SLAIN1: variants seen among roughly 807,000 people sequenced by gnomAD.
SLAIN1 encodes the protein SLAIN family member 1.
A neutral mutation model predicts 55.4 loss-of-function variants in SLAIN1; 17 were observed. The observed-to-expected ratio is 0.31, with a 90% CI of 0.21 to 0.46. The LOEUF (loss-of-function observed/expected upper bound fraction) is 0.46. SLAIN1 is among the 20% of genes least tolerant of loss of function. The pLI, the probability that SLAIN1 is intolerant of heterozygous loss-of-function variation, is 1.00. For missense variants in SLAIN1, 682 were observed against 785.1 expected, an observed-to-expected ratio of 0.87 and a Z score of 1.57; for synonymous variants, 348 against 337.4, an observed-to-expected ratio of 1.03 and a Z score of -0.35.
intron 1 of SLAIN1, chr13:77,699,233 A>G (rs2091006678): frequency 4.9e-6 from 2 of 410,512 alleles, no homozygotes; most frequent in African/African-American, 4.1e-5. Flanking sequence ...GGTGGGAGGG[A>G]CTTTTTTATT....
intron 1 of SLAIN1, among the ~76,000 whole-genome samples, chr13:77,715,583 A>G (rs1036404479): frequency 1.3e-5 from 2 of 152,102 alleles, no homozygotes; most frequent in Admixed American, 1.3e-4. Flanking sequence ...GTGGCACCAA[A>G]TCTTTCTTAA....
chr13:77,733,903 G>C (rs1300434995), intron 2 of SLAIN1, among the ~76,000 whole-genome samples: 1 of 152,114 alleles, frequency 6.6e-6, no homozygotes, highest in Non-Finnish European at 1.5e-5. Flanking sequence ...GCTCCAGAAG[G>C]GTTGCTCAGG....
chr13:77,758,760 T>C (rs1002746195), intron 5 of SLAIN1, among the ~76,000 whole-genome samples: 1 of 152,150 alleles, frequency 6.6e-6, no homozygotes, highest in African/African-American at 2.4e-5. Flanking sequence ...ATTTCTGGGT[T>C]CTCTATTCTG....
intron 1 of SLAIN1, among the ~76,000 whole-genome samples, chr13:77,708,284 A>G (rs117534199): frequency 0.013 from 2,045 of 152,334 alleles, 43 homozygotes; most frequent in East Asian, 0.019. Flanking sequence ...TATCAAAAAA[A>G]GTGAATGGGA....
intron 1 of SLAIN1, among the ~76,000 whole-genome samples, chr13:77,703,663 A>C (rs1157817459): frequency 6.6e-6 from 1 of 151,990 alleles, no homozygotes; most frequent in East Asian, 1.9e-4. Flanking sequence ...TATCCTTTTA[A>C]GAGCCTGTTG....
intron 2 of SLAIN1, among the ~76,000 whole-genome samples, chr13:77,734,301 C>G (rs919284428): frequency 3.3e-5 from 5 of 152,054 alleles, no homozygotes; most frequent in Non-Finnish European, 5.9e-5. Flanking sequence ...CTTCACTGAT[C>G]TTAGGCCATT....
In SLAIN1 at chr13:77,698,081, C is replaced by A; in HGVS notation, c.168C>A (p.Ala56=). Residue 56 remains alanine (A), a synonymous_variant, in exon 1 of 7, where the codon GCC becomes GCA. Coordinates refer to ENST00000418532, the MANE Select transcript of SLAIN1 (RefSeq NM_001242868.2). The surrounding 1 kb of genome is among the most constrained non-coding windows in gnomAD (Gnocchi z 4.1). ...LRSRAASAAA[A]PHLLLLPPPP... ...GTCGAGCGGCCAGCGCGGCCGCCGC[C>A]CCGCACCTGCTGCTGCTGCCGCCGC... The A allele has an allele frequency of 7.9e-7, 1 of 1,260,582 alleles. No individual in the cohort carries two copies. Among genetic ancestry groups the A allele is most frequent in the Non-Finnish European group, 1.0e-6 (1 of 989,684 alleles). The allele number at this position is 1,260,582 out of a possible 1,614,324, so 78.1% of individuals were successfully genotyped here. A position where few individuals can be genotyped will look rare whatever the true frequency, so the allele number is the denominator to read the frequency against.
chr13:77,719,805 C>T (rs2091244232), intron 2 of SLAIN1, 134 bp downstream of exon 2: 12 of 902,760 alleles, frequency 1.3e-5, no homozygotes, highest in Non-Finnish European at 2.0e-5. Flanking sequence ...CAATTTGCTT[C>T]ACATGTATTA....
In SLAIN1 at chr13:77,719,556, G is replaced by C. The variant is rs745569718; in HGVS notation, c.651G>C (p.Thr217=). Residue 217 remains threonine, a synonymous_variant, in exon 2 of 7, where the codon ACG becomes ACC. Coordinates refer to ENST00000418532, the MANE Select transcript of SLAIN1 (RefSeq NM_001242868.2). ...GGTTATACATTGGCTCTTCAAAGAC[G>C]TTCACCTCATCAGAGAAATCCCTGA... The part of the protein sequence containing the change: ...YTWLYIGSSK[T]FTSSEKSLTP... 6.2e-7 allele frequency: 1 copy of C among 1,612,708 alleles called. No homozygotes were observed. Among genetic ancestry groups the C allele is most frequent in the African/African-American group, 1.3e-5 (1 of 74,822 alleles).
At chr13:77,753,844 C>A (rs1874409840) in intron 5 of SLAIN1, among the ~76,000 whole-genome samples, 1 of 152,078 alleles carries the variant, frequency 6.6e-6, no homozygotes, top group African/African-American at 2.4e-5. Flanking sequence ...TTGTCTTTTT[C>A]CCCCTAAATG....
rs1240169181 is a variant in SLAIN1 at position 77,712,118 on chromosome 13, A to G, written c.627-7414A>G. On this transcript the variant is annotated intron_variant, in intron 1 of 6. Transcript: ENST00000418532. ...CAAACCCACAGCCAGTATCATACTGAATTGGCAAAAGCTGGAAGCATTCCT... is the reference window on the plus strand; with the variant it reads ...CAAACCCACAGCCAGTATCATACTGGATTGGCAAAAGCTGGAAGCATTCCT... Among the ~76,000 whole-genome samples the G allele has an allele frequency of 2.6e-5, 4 of 152,348 alleles. No homozygotes were observed. The East Asian group carries it at 7.7e-4, about 29-fold the overall frequency.
chr13:77,739,764 C>T (rs766205776), intron 2 of SLAIN1, among the ~76,000 whole-genome samples: 12 of 152,008 alleles, frequency 7.9e-5, no homozygotes, highest in Non-Finnish European at 1.3e-4. Flanking sequence ...CCCATTCTGT[C>T]GTCTGCCTTT....
intron 2 of SLAIN1, chr13:77,741,346 T>G (rs1873423611): frequency 1.0e-6 from 1 of 987,316 alleles, no homozygotes; most frequent in Non-Finnish European, 1.2e-6. Flanking sequence ...TAGTTTGTAG[T>G]GTATTCTGGA....
rs1320866987 is a variant in SLAIN1 at position 77,720,948 on chromosome 13, T to C, written c.766+1277T>C. Reference sequence around the variant, plus strand: ...CAAAGGCATGTTAGGGTTAAAACTTTGGTGATAGATGCTCATCTAACAGAG... The same window carrying C: ...CAAAGGCATGTTAGGGTTAAAACTTCGGTGATAGATGCTCATCTAACAGAG... On this transcript the variant is annotated intron_variant, in intron 2 of 6. Coordinates refer to ENST00000418532, the MANE Select transcript of SLAIN1 (RefSeq NM_001242868.2). Among the ~76,000 whole-genome samples, 3 of 152,300 alleles carry C rather than the reference T, an allele frequency of 2.0e-5. No homozygotes were observed. In the East Asian group the frequency reaches 5.8e-4, roughly 29 times the overall value.
chr13:77,697,741 C>A lies in SLAIN1; in HGVS notation c.-173C>A. On this transcript the variant is annotated 5_prime_UTR_variant, in exon 1 of 7. Coordinates refer to ENST00000418532, the MANE Select transcript of SLAIN1 (RefSeq NM_001242868.2). ...CAGATCAGCTCGGTGGTGGCTGCCGCGGCCGGAGGCGAGGGCCCGGTGCTG... is the reference window on the plus strand; with the variant it reads ...CAGATCAGCTCGGTGGTGGCTGCCGAGGCCGGAGGCGAGGGCCCGGTGCTG... 2.2e-6 allele frequency: 1 copy of A among 455,292 alleles called. No individual in the cohort carries two copies. Among genetic ancestry groups the A allele is most frequent in the Non-Finnish European group, 3.2e-6 (1 of 310,554 alleles). 28.2% of individuals were successfully genotyped at this position (455,292 alleles called of 1,614,324 possible). A position where few individuals can be genotyped will look rare whatever the true frequency, so the allele number is the denominator to read the frequency against.
intron 1 of SLAIN1, among the ~76,000 whole-genome samples, chr13:77,705,670 CCTAT>C (rs1210592438): frequency 2.0e-5 from 3 of 149,922 alleles, no homozygotes; most frequent in South Asian, 2.1e-4. Context: ...AAAAACCTTG[CCTAT>C]CTAATTTTGG....
Position 77,698,438 on chromosome 13 carries a change from A to C in SLAIN1, c.525A>C (p.Ala175=). 3 of 1,423,114 alleles carry C rather than the reference A, an allele frequency of 2.1e-6. No individual in the cohort carries two copies. Among genetic ancestry groups the C allele is most frequent in the East Asian group, 3.1e-5 (1 of 32,504 alleles). The allele number at this position is 1,423,114 out of a possible 1,614,324, so 88.2% of individuals were successfully genotyped here. A position where few individuals can be genotyped will look rare whatever the true frequency, so the allele number is the denominator to read the frequency against. The change falls in exon 1 of 7, where the codon GCA becomes GCC. Residue 175 remains alanine, a synonymous_variant. Transcript: ENST00000418532. The surrounding 1 kb of genome is among the most constrained non-coding windows in gnomAD (Gnocchi z 4.1). ...EPGGAGTPPG[A]AAAPPSPPPT... Reference sequence around the variant, plus strand: ...GGGGCGCGGGGACGCCGCCAGGGGCAGCTGCAGCGCCGCCCTCGCCGCCCC... The same window carrying C: ...GGGGCGCGGGGACGCCGCCAGGGGCCGCTGCAGCGCCGCCCTCGCCGCCCC...
chr13:77,725,434 C>G (rs1267456942), intron 2 of SLAIN1, among the ~76,000 whole-genome samples: 2 of 152,066 alleles, frequency 1.3e-5, no homozygotes, highest in Admixed American at 6.6e-5. Flanking sequence ...TCCTTTTCAC[C>G]CTCTTCCTCT....
Position 77,698,441 on chromosome 13 carries a change from T to A in SLAIN1, c.528T>A (p.Ala176=). The A allele has an allele frequency of 1.4e-6, 2 of 1,432,628 alleles. No individual in the cohort carries two copies. The highest frequency in any genetic ancestry group is 1.4e-5 in the South Asian group (1 of 70,988). The allele number at this position is 1,432,628 out of a possible 1,614,324, so 88.7% of individuals were successfully genotyped here. A position where few individuals can be genotyped will look rare whatever the true frequency, so the allele number is the denominator to read the frequency against. The stretch of plus-strand genomic sequence containing the variant: ...GCGCGGGGACGCCGCCAGGGGCAGC[T>A]GCAGCGCCGCCCTCGCCGCCCCCCA... ...PGGAGTPPGA[A]AAPPSPPPTL... Residue 176 remains alanine (A), a synonymous_variant, in exon 1 of 7, where the codon GCT becomes GCA. Coordinates refer to ENST00000418532, the MANE Select transcript of SLAIN1 (RefSeq NM_001242868.2). The surrounding 1 kb of genome is among the most constrained non-coding windows in gnomAD (Gnocchi z 4.1).
Sources: allele counts gnomAD v4.1 joint callset (sites outside exome capture counted in the v4.1 genomes callset), GRCh38; gene constraint gnomAD v4.1.1; non-coding constraint Gnocchi (gnomAD v3.1); transcripts MANE v1.5; gene names NCBI Gene and HGNC (gene_info 2026-07-23, HGNC 2026-07-21).